SNX29: variants seen among roughly 807,000 people sequenced by gnomAD.
The protein encoded by SNX29 is sorting nexin 29.
SNX29 carries 78 observed loss-of-function variants against 102.1 expected under a neutral mutation model. That is an observed-to-expected ratio of 0.76 (90% CI 0.64 to 0.92). The LOEUF is 0.92. SNX29 is among the 40% of genes least tolerant of loss of function. SNX29 has a pLI of 0.00. For missense variants in SNX29, 1,280 were observed against 1,061.7 expected (o/e 1.21, Z -2.86); for synonymous variants, 580 against 414.5 (o/e 1.40, Z -4.85).
chr16:12,491,315 G>A (rs756054162), intron 19 of SNX29, among the ~76,000 whole-genome samples: 11 of 152,208 alleles, frequency 7.2e-5, no homozygotes, highest in Non-Finnish European at 1.6e-4. Flanking sequence ...TATAAGGTAT[G>A]CTTGTCATCA....
At chr16:12,469,309 C>G (rs1488307050) in intron 18 of SNX29, among the ~76,000 whole-genome samples, 1 of 152,236 alleles carries the variant, frequency 6.6e-6, no homozygotes, top group East Asian at 1.9e-4. Context: ...ATAATTCAGG[C>G]ATTTTGTTCT....
chr16:11,983,406 C>G (rs1160740479), intron 1 of SNX29, among the ~76,000 whole-genome samples: 1 of 152,026 alleles, frequency 6.6e-6, no homozygotes, highest in Non-Finnish European at 1.5e-5. Context: ...TGTTGAAGGT[C>G]ACAGTTTTCT....
chr16:12,083,190 C>T (rs542881620), intron 11 of SNX29, among the ~76,000 whole-genome samples: 12 of 151,758 alleles, frequency 7.9e-5, no homozygotes, highest in African/African-American at 1.7e-4. Context: ...CCTGTAATCT[C>T]GGCTACTCGG....
intron 17 of SNX29, among the ~76,000 whole-genome samples, chr16:12,399,697 C>T (rs527930320): frequency 6.6e-6 from 1 of 151,922 alleles, no homozygotes; most frequent in East Asian, 1.9e-4. Flanking sequence ...GAGGGCATCA[C>T]GGGGCTATTC....
intron 18 of SNX29, among the ~76,000 whole-genome samples, chr16:12,450,102 A>G (rs1210781836): frequency 6.6e-6 from 1 of 152,174 alleles, no homozygotes; most frequent in Non-Finnish European, 1.5e-5. Context: ...ACCATGTAAG[A>G]GGTGGCTTTG....
At chr16:12,154,690 A>G (rs1237351643) in intron 13 of SNX29, among the ~76,000 whole-genome samples, 2 of 152,046 alleles carry the variant, frequency 1.3e-5, no homozygotes, top group Admixed American at 6.5e-5. Context: ...CAACAAATAG[A>G]TCTCTCATGG....
intron 13 of SNX29, among the ~76,000 whole-genome samples, chr16:12,157,183 C>T (rs1320724778): frequency 2.6e-5 from 4 of 152,160 alleles, no homozygotes. Context: ...GGGCATTCAT[C>T]CACCAACATC....
chr16:12,174,473 T>C (rs2076217134), intron 13 of SNX29, among the ~76,000 whole-genome samples: 1 of 152,238 alleles, frequency 6.6e-6, no homozygotes, highest in South Asian at 2.1e-4. Flanking sequence ...TAGCTGTTGC[T>C]GCCCATTTGA....
Position 12,098,671 on chromosome 16 carries a change from C to T in SNX29, c.1402+19756C>T, listed in dbSNP as rs545383291. ...TGCTTATTCATCCTGTAAGACACAGCTTAGGCGTCACCTCCTCCAGACAGA... is the reference window on the plus strand; with the variant it reads ...TGCTTATTCATCCTGTAAGACACAGTTTAGGCGTCACCTCCTCCAGACAGA... On this transcript the variant is annotated intron_variant, in intron 11 of 20. Coordinates refer to ENST00000566228, the MANE Select transcript of SNX29 (RefSeq NM_032167.5). This position sits in a 1 kb window ranked among gnomAD's most constrained non-coding sequence, Gnocchi z 6.0. Among the ~76,000 whole-genome samples the T allele has an allele frequency of 6.6e-6, 1 of 152,346 alleles. No homozygotes were observed. The highest frequency in any genetic ancestry group is 1.9e-4 in the East Asian group (1 of 5,190).
intron 5 of SNX29, among the ~76,000 whole-genome samples, chr16:12,044,582 T>C (rs2050013895): frequency 6.6e-6 from 1 of 152,116 alleles, no homozygotes; most frequent in African/African-American, 2.4e-5. Context: ...CCTGTTTCTT[T>C]CTTTCCTTTT....
chr16:12,277,443 G>C (rs1392569967), intron 14 of SNX29, among the ~76,000 whole-genome samples: 1 of 152,042 alleles, frequency 6.6e-6, no homozygotes, highest in African/African-American at 2.4e-5. Context: ...AAAACAACCA[G>C]CTCTTATGTC....
chr16:12,517,150 T>A (rs1409744363), intron 19 of SNX29, among the ~76,000 whole-genome samples: 2 of 152,146 alleles, frequency 1.3e-5, no homozygotes, highest in African/African-American at 4.8e-5. Flanking sequence ...GAGCCACGGG[T>A]GGGTGGCAAG....
rs577169181 is a variant in SNX29 at position 12,000,698 on chromosome 16, T to C, written c.69+1340T>C. Among the ~76,000 whole-genome samples the C allele has an allele frequency of 9.2e-4, 140 of 152,062 alleles. 1 individual carries two copies. Among genetic ancestry groups the C allele is most frequent in the Admixed American group, 8.9e-3 (136 of 15,258 alleles). On this transcript the variant is annotated intron_variant, in intron 2 of 20. Coordinates refer to ENST00000566228, the MANE Select transcript of SNX29 (RefSeq NM_032167.5). ...GCCACCACATGTGCCGGGGTGTACGTTGAGTATTGAAGTGAGCCCAGAGAA... is the reference window on the plus strand; with the variant it reads ...GCCACCACATGTGCCGGGGTGTACGCTGAGTATTGAAGTGAGCCCAGAGAA...
chr16:12,433,209 C>T (rs1024237917), intron 18 of SNX29, among the ~76,000 whole-genome samples: 1 of 152,190 alleles, frequency 6.6e-6, no homozygotes, highest in African/African-American at 2.4e-5. Flanking sequence ...CAGCTTTTGT[C>T]ACCTTGAAAA....
chr16:12,382,195 C>G (rs1443571661), intron 16 of SNX29, among the ~76,000 whole-genome samples: 1 of 152,122 alleles, frequency 6.6e-6, no homozygotes, highest in East Asian at 1.9e-4. Context: ...ATAGACGACA[C>G]CAAACTCAAT....
At chr16:12,478,002 T>TA (rs1328094338) in intron 19 of SNX29, 143 bp downstream of exon 19, 7 of 965,916 alleles carry the variant, frequency 7.2e-6, no homozygotes, top group African/African-American at 1.7e-5. Context: ...AGAAAAGAAA[T>TA]AGCCATTCAT....
chr16:12,223,926 C>G (rs1056790746), intron 14 of SNX29, among the ~76,000 whole-genome samples: 1 of 152,100 alleles, frequency 6.6e-6, no homozygotes, highest in African/African-American at 2.4e-5. Flanking sequence ...GTTGGACATA[C>G]GAAGAAACGT....
intron 18 of SNX29, among the ~76,000 whole-genome samples, chr16:12,446,980 C>T (rs983803493): frequency 6.6e-6 from 1 of 151,628 alleles, no homozygotes; most frequent in African/African-American, 2.4e-5. Context: ...GCCTGACCAA[C>T]ATGGTGAGAC....
At chr16:12,537,540 C>T (rs150920376) in intron 20 of SNX29, among the ~76,000 whole-genome samples, 3 of 152,292 alleles carry the variant, frequency 2.0e-5, no homozygotes, top group African/African-American at 4.8e-5. Context: ...ATATTACCTA[C>T]TATGGAGCTT....
Sources: gnomAD v4.1 joint callset for allele counts (sites outside exome capture counted in the v4.1 genomes callset) on GRCh38, gnomAD v4.1.1 for gene constraint, Gnocchi (gnomAD v3.1) non-coding constraint, MANE v1.5 for transcripts, NCBI Gene and HGNC (gene_info 2026-07-23, HGNC 2026-07-21) for gene names.